Variants in PCDHA6 observed in about 807,000 individuals in gnomAD.
PCDHA6 encodes the protein protocadherin alpha-6.
PCDHA6 carries 55 observed loss-of-function variants against 60.3 expected under a neutral mutation model. The ratio of observed to expected loss-of-function variants is 0.91; its 90% CI spans 0.73 to 1.14. The LOEUF (loss-of-function observed/expected upper bound fraction) is 1.14, where lower values mean the gene tolerates loss of function less well. Among genes scored for constraint, PCDHA6 ranks in the 50% most tolerant of loss-of-function variants. The probability of loss-of-function intolerance (pLI) is 0.00; values close to 1 mark genes in which losing one functional copy is unlikely to be tolerated. For synonymous variants in PCDHA6, 652 were observed against 557.9 expected, an observed-to-expected ratio of 1.17 and a Z score of -2.38; for missense variants, 1,327 against 1,256.5, an observed-to-expected ratio of 1.06 and a Z score of -0.85.
At chr5:140,849,522 G>A in intron 1 of PCDHA6, 2 of 1,597,478 alleles carry the variant, frequency 1.3e-6, no homozygotes, top group Middle Eastern at 1.7e-4. Context: ...AGTTGTGGAT[G>A]TAAATGACAA....
In PCDHA6 at chr5:140,876,240, A is replaced by G. The variant is rs375639572; in HGVS notation, c.2394+45755A>G. 7.0e-5 allele frequency: 113 copies of G among 1,613,906 alleles called. No homozygotes were observed. The highest frequency in any genetic ancestry group is 8.3e-5 in the Admixed American group (5 of 60,008). Reference sequence around the variant, plus strand: ...AAGTAGTGTTGTCTGAAAATGTCCAAAACGACACAAGAGTGATCCAACTAA... The same window carrying G: ...AAGTAGTGTTGTCTGAAAATGTCCAGAACGACACAAGAGTGATCCAACTAA... On this transcript the variant is annotated intron_variant, in intron 1 of 3. Coordinates refer to ENST00000529310, the MANE Select transcript of PCDHA6 (RefSeq NM_018909.4).
chr5:140,913,572 T>C (rs1000646852), intron 1 of PCDHA6, among the ~76,000 whole-genome samples: 1 of 152,146 alleles, frequency 6.6e-6, no homozygotes, highest in Non-Finnish European at 1.5e-5. Context: ...TTTCATCATT[T>C]CAAATATATT....
chr5:140,854,758 C>T (rs2150321610), intron 1 of PCDHA6: 1 of 149,590 alleles, frequency 6.7e-6, no homozygotes, highest in South Asian at 2.1e-4. Context: ...ATTACATTTT[C>T]ATTCCTGAAT....
At position 140,852,929 on chromosome 5, in the gene PCDHA6, A is replaced by G. The variant is rs2150525659; in HGVS notation, c.2394+22444A>G. 9 of 654,866 alleles carry G rather than the reference A, an allele frequency of 1.4e-5. No individual in the cohort carries two copies. The Admixed American group carries it at 3.9e-4, about 29-fold the overall frequency. The allele number at this position is 654,866 out of a possible 1,614,324, so 40.6% of individuals were successfully genotyped here. A position where few individuals can be genotyped will look rare whatever the true frequency, so the allele number is the denominator to read the frequency against. Reference sequence around the variant, plus strand: ...AGTCTCGCTCTGTTGCCCAGGCTGGAGTGCAGTGGTGCCATCTTGGCTCAC... The same window carrying G: ...AGTCTCGCTCTGTTGCCCAGGCTGGGGTGCAGTGGTGCCATCTTGGCTCAC... On this transcript the variant is annotated intron_variant, in intron 1 of 3. Transcript: ENST00000529310.
chr5:140,984,478 A>G (rs1374350616), intron 3 of PCDHA6, among the ~76,000 whole-genome samples: 1 of 152,078 alleles, frequency 6.6e-6, no homozygotes, highest in Non-Finnish European at 1.5e-5. Flanking sequence ...TGTATAACCC[A>G]TTTTATCCAG....
intron 3 of PCDHA6, among the ~76,000 whole-genome samples, chr5:140,991,199 C>G (rs1554252002): frequency 6.6e-6 from 1 of 152,150 alleles, no homozygotes; most frequent in East Asian, 1.9e-4. Context: ...CAATGATGCT[C>G]AATAAATTTT....
intron 1 of PCDHA6, chr5:140,876,344 G>T (rs1554168492): frequency 6.2e-7 from 1 of 1,614,040 alleles, no homozygotes; most frequent in Admixed American, 1.7e-5. Flanking sequence ...AGTGAGAAAT[G>T]TATGTTTTCA....
At chr5:140,882,141 A>G in intron 1 of PCDHA6, 3 of 1,491,636 alleles carry the variant, frequency 2.0e-6, no homozygotes, top group South Asian at 1.4e-5. Flanking sequence ...CAGAAAATAT[A>G]GCAGAAAGCG....
At chr5:140,967,123 C>T in intron 1 of PCDHA6, 1 of 1,612,724 alleles carries the variant, frequency 6.2e-7, no homozygotes, top group Non-Finnish European at 8.5e-7. Context: ...GCTGCCTGCT[C>T]AGCTTGGAAG....
At chr5:140,986,828 G>C (rs1001117075) in intron 3 of PCDHA6, among the ~76,000 whole-genome samples, 2 of 152,146 alleles carry the variant, frequency 1.3e-5, no homozygotes, top group African/African-American at 2.4e-5. Flanking sequence ...TTTAGACAAT[G>C]GTTCTCAAAG....
chr5:140,923,774 G>T (rs1447078559), intron 1 of PCDHA6, among the ~76,000 whole-genome samples: 1 of 152,202 alleles, frequency 6.6e-6, no homozygotes, highest in Non-Finnish European at 1.5e-5. Flanking sequence ...CTACTGGGTG[G>T]ATGGTTTCTT....
At chr5:140,922,210 A>AAC (rs2080722350) in intron 1 of PCDHA6, among the ~76,000 whole-genome samples, 2 of 152,232 alleles carry the variant, frequency 1.3e-5, no homozygotes, top group Admixed American at 1.3e-4. Context: ...GAAACTTTGT[A>AAC]AAACATTTGA....
At chr5:140,887,679 C>G (rs2061539498) in intron 1 of PCDHA6, among the ~76,000 whole-genome samples, 1 of 152,058 alleles carries the variant, frequency 6.6e-6, no homozygotes, top group East Asian at 1.9e-4. Flanking sequence ...TCATTTTCAT[C>G]AAATTCAGGA....
intron 1 of PCDHA6, among the ~76,000 whole-genome samples, chr5:140,922,711 A>G (rs2080951866): frequency 6.6e-6 from 1 of 152,270 alleles, no homozygotes; most frequent in Non-Finnish European, 1.5e-5. Flanking sequence ...GTCAAGAACA[A>G]AAAGAAACAC....
At position 140,853,954 on chromosome 5, in the gene PCDHA6, C is replaced by G. The variant is rs889937140; in HGVS notation, c.2394+23469C>G. The G allele has an allele frequency of 6.5e-5, 49 of 756,134 alleles. 3 individuals are homozygous for G. In the Middle Eastern group the frequency reaches 2.0e-3, roughly 31 times the overall value. The allele number at this position is 756,134 out of a possible 1,614,324, so 46.8% of individuals were successfully genotyped here. On this transcript the variant is annotated intron_variant, in intron 1 of 3. Coordinates refer to ENST00000529310, the MANE Select transcript of PCDHA6 (RefSeq NM_018909.4). The stretch of plus-strand genomic sequence containing the variant: ...GAGGCCAAGGTGGGAGGGTCCCTTC[C>G]TTGAGCCCAGCAGTTTGAGACCAAT...
Position 140,828,743 on chromosome 5 carries a change from G to A in PCDHA6, c.652G>A (p.Gly218Ser), listed in dbSNP as rs1159793730. Residue 218 changes from glycine (G) to serine (S), a missense_variant, in exon 1 of 4, where the codon GGC becomes AGC. By Grantham distance (56) the Gly-to-Ser change is moderately conservative (BLOSUM62 0). Transcript: ENST00000529310. ...CTTATTCCTGACAGCCACAGATGGG[G>A]GCAAACCTGAGCTCACAGGCACTGT... The part of the protein sequence containing the change: ...HNLFLTATDG[G>S]KPELTGTVQL... 1.9e-6 allele frequency: 3 copies of A among 1,614,118 alleles called. No homozygotes were observed. Among genetic ancestry groups the A allele is most frequent in the African/African-American group, 2.7e-5 (2 of 74,938 alleles).
chr5:140,896,037 C>T (rs1373567434), intron 1 of PCDHA6, among the ~76,000 whole-genome samples: 1 of 152,156 alleles, frequency 6.6e-6, no homozygotes, highest in Non-Finnish European at 1.5e-5. Context: ...TCTCGAACTC[C>T]TGACCTCAGG....
Position 140,828,573 on chromosome 5 carries a change from A to T in PCDHA6, c.482A>T (p.Asp161Val), listed in dbSNP as rs1769832342. Residue 161 changes from aspartate to valine, a missense_variant, in exon 1 of 4, where the codon GAT becomes GTT. By Grantham distance (152) the Asp-to-Val change is radical (BLOSUM62 -3). Coordinates refer to ENST00000529310, the MANE Select transcript of PCDHA6 (RefSeq NM_018909.4). ...VFPLEGASDA[D>V]VGSNSILTYK... ...CCACTGGAGGGCGCGTCCGATGCAG[A>T]TGTTGGCTCAAATTCCATCTTAACC... is the stretch of plus-strand genomic sequence containing the variant. 2.5e-6 allele frequency: 4 copies of T among 1,614,248 alleles called. No individual in the cohort carries two copies. Among genetic ancestry groups the T allele is most frequent in the Non-Finnish European group, 3.4e-6 (4 of 1,180,052 alleles).
intron 1 of PCDHA6, among the ~76,000 whole-genome samples, chr5:140,913,961 A>T (rs909283613): frequency 2.0e-5 from 3 of 149,744 alleles, no homozygotes; most frequent in South Asian, 2.1e-4. Context: ...TATCATTTTT[A>T]AAAAAATATT....
Sources: allele counts gnomAD v4.1 joint callset (sites outside exome capture counted in the v4.1 genomes callset), GRCh38; gene constraint gnomAD v4.1.1; transcripts MANE v1.5; gene names NCBI Gene and HGNC (gene_info 2026-07-23, HGNC 2026-07-21).